The following CALCRL variants were observed in gnomAD, a reference collection of about 807,000 sequenced individuals.
CALCRL encodes the protein calcitonin gene-related peptide type 1 receptor.
Under a neutral mutation model 60.4 loss-of-function variants are expected in CALCRL, and 27 were observed. The ratio of observed to expected loss-of-function variants is 0.45; its 90% CI spans 0.33 to 0.62. The LOEUF is 0.62. CALCRL is among the 20% of genes least tolerant of loss of function. CALCRL has a pLI of 0.03. For synonymous variants in CALCRL, 190 were observed against 182.6 expected, an observed-to-expected ratio of 1.04 and a Z score of -0.33; for missense variants, 424 against 540.7, an observed-to-expected ratio of 0.78 and a Z score of 2.14.
intron 12 of CALCRL, among the ~76,000 whole-genome samples, chr2:187,358,561 C>T (rs1453791597): frequency 6.6e-6 from 1 of 151,192 alleles, no homozygotes; most frequent in Non-Finnish European, 1.5e-5. Flanking sequence ...CTCTCTGTGC[C>T]ACAGGAGGAT....
chr2:187,407,881 G>A (rs947894732), intron 1 of CALCRL, among the ~76,000 whole-genome samples: 8 of 152,094 alleles, frequency 5.3e-5, no homozygotes, highest in Admixed American at 2.0e-4. Context: ...AGCAGCAACA[G>A]GTGTGATTCT....
At chr2:187,379,352 T>C (rs1366550292) in intron 7 of CALCRL, among the ~76,000 whole-genome samples, 1 of 152,102 alleles carries the variant, frequency 6.6e-6, no homozygotes, top group African/African-American at 2.4e-5. Context: ...TATATGAAAC[T>C]AGTATTTTAT....
intron 1 of CALCRL, among the ~76,000 whole-genome samples, chr2:187,438,423 A>G (rs1690742898): frequency 6.6e-6 from 1 of 152,210 alleles, no homozygotes; most frequent in African/African-American, 2.4e-5. Context: ...ACAGACTGAC[A>G]AACATGTCTG....
chr2:187,445,767 A>C (rs938809428), intron 1 of CALCRL, among the ~76,000 whole-genome samples: 2 of 151,562 alleles, frequency 1.3e-5, no homozygotes, highest in Admixed American at 6.6e-5. Flanking sequence ...TAATATGTGC[A>C]GGTGAACATA....
In CALCRL at chr2:187,371,028, T is replaced by G. The variant is rs554755913; in HGVS notation, c.501-7526A>C. 1.6e-4 allele frequency among the ~76,000 whole-genome samples: 25 copies of G among 152,094 alleles called. No individual in the cohort carries two copies. The South Asian group carries it at 2.5e-3, about 15-fold the overall frequency. ...GAGGCCAAGGCGGGCAGATCACGAA[T>G]TCAGGAGATCAAGATCATCCTGGCT... is the stretch of plus-strand genomic sequence containing the variant. On this transcript the variant is annotated intron_variant, in intron 8 of 14. Coordinates refer to ENST00000392370, the MANE Select transcript of CALCRL (RefSeq NM_005795.6).
rs555760268 is a variant in CALCRL, at chr2:187,423,531, G to C, written c.-293+24508C>G. Among the ~76,000 whole-genome samples, 30 of 151,828 alleles carry C rather than the reference G, an allele frequency of 2.0e-4. 1 individual carries two copies. In the South Asian group the frequency reaches 6.2e-3, roughly 32 times the overall value. ...TTATTGAGGAATATTTTAATTATCT[G>C]GTTATAAATTCTAAGGTTTCCCAAG... On this transcript the variant is annotated intron_variant, in intron 1 of 14. Coordinates refer to ENST00000392370, the MANE Select transcript of CALCRL (RefSeq NM_005795.6).
rs1002792488 is a variant in CALCRL, at chr2:187,388,452, A to G, written c.-292-696T>C. 5.9e-5 allele frequency among the ~76,000 whole-genome samples: 9 copies of G among 152,182 alleles called. No homozygotes were observed. In the South Asian group the frequency reaches 6.2e-4, roughly 11 times the overall value. On this transcript the variant is annotated intron_variant, in intron 1 of 14. Coordinates refer to ENST00000392370, the MANE Select transcript of CALCRL (RefSeq NM_005795.6). ...AAAGCAATTTACAGTTCATTATTAGACAATACTCTTACATGCACATTTCAC... is the reference window on the plus strand; with the variant it reads ...AAAGCAATTTACAGTTCATTATTAGGCAATACTCTTACATGCACATTTCAC...
intron 5 of CALCRL, among the ~76,000 whole-genome samples, chr2:187,381,400 C>T (rs963023899): frequency 5.9e-5 from 9 of 151,870 alleles, no homozygotes; most frequent in East Asian, 3.9e-4. Context: ...TTTTTTAAGG[C>T]GTAGGTAAAT....
intron 9 of CALCRL, among the ~76,000 whole-genome samples, chr2:187,361,122 C>G (rs1388400993): frequency 6.6e-6 from 1 of 151,760 alleles, no homozygotes; most frequent in Non-Finnish European, 1.5e-5. Flanking sequence ...CTGTTACATT[C>G]TGTTGGAAAT....
chr2:187,352,780 A>G (rs931037127), intron 12 of CALCRL, among the ~76,000 whole-genome samples: 2 of 151,912 alleles, frequency 1.3e-5, no homozygotes, highest in African/African-American at 4.8e-5. Flanking sequence ...TTATACCATA[A>G]TAACCATTTT....
At chr2:187,368,630 G>A (rs966755394) in intron 8 of CALCRL, among the ~76,000 whole-genome samples, 2 of 151,942 alleles carry the variant, frequency 1.3e-5, no homozygotes, top group African/African-American at 2.4e-5. Context: ...ATTTGCTTTT[G>A]ACATGAGCTA....
intron 1 of CALCRL, among the ~76,000 whole-genome samples, chr2:187,398,158 C>G (rs1688737370): frequency 6.6e-6 from 1 of 151,582 alleles, no homozygotes; most frequent in Non-Finnish European, 1.5e-5. Context: ...TGATGGAACA[C>G]TCTCCCTCCA....
chr2:187,386,133 A>AGTTAGATAGATAGAT (rs1553509530), intron 3 of CALCRL, among the ~76,000 whole-genome samples: 1 of 151,496 alleles, frequency 6.6e-6, no homozygotes, highest in African/African-American at 2.4e-5. Flanking sequence ...AACTTCTTAT[A>AGTTAGATAGATAGAT]GATAGATAGA....
At chr2:187,427,095 T>C (rs1690175856) in intron 1 of CALCRL, among the ~76,000 whole-genome samples, 1 of 152,092 alleles carries the variant, frequency 6.6e-6, no homozygotes, top group Non-Finnish European at 1.5e-5. Flanking sequence ...ATACAACACT[T>C]GTGTTTTTTG....
chr2:187,383,106 A>G, intron 5 of CALCRL, 67 bp downstream of exon 5: 1 of 1,481,282 alleles, frequency 6.8e-7, no homozygotes, highest in East Asian at 2.3e-5. Flanking sequence ...ACTTATAATG[A>G]TATAATGGGA....
chr2:187,383,302 G>C lies in CALCRL; in HGVS notation c.55C>G (p.Leu19Val). Residue 19 changes from leucine (L) to valine (V), a missense_variant, in exon 5 of 15, where the codon CTT (leucine) becomes GTT (valine). By Grantham distance (32) the Leu-to-Val change is conservative. Around this residue, in one of 7 missense-constraint regions of CALCRL, gnomAD observed 108 missense variants for 132.9 expected, o/e 0.81. Transcript: ENST00000392370. The stretch of plus-strand genomic sequence containing the variant: ...CTCTCTTCTAATTCTGCTGTAACAA[G>C]AATCTAAGGGATTAAAAAAACAACA... The part of the protein sequence containing the change: ...FLVLLPFFMI[L>V]VTAELEESPE... 2 of 1,583,648 alleles carry C rather than the reference G, an allele frequency of 1.3e-6. No homozygotes were observed. The highest frequency in any genetic ancestry group is 2.3e-5 in the East Asian group (1 of 44,058).
intron 1 of CALCRL, among the ~76,000 whole-genome samples, chr2:187,444,318 A>G (rs1691065576): frequency 6.6e-6 from 1 of 151,654 alleles, no homozygotes. Flanking sequence ...TTAATAAAAT[A>G]TAAAACTATA....
At chr2:187,369,570 CTACTT>C (rs1170205254) in intron 8 of CALCRL, among the ~76,000 whole-genome samples, 4 of 152,162 alleles carry the variant, frequency 2.6e-5, no homozygotes, top group Non-Finnish European at 5.9e-5. Flanking sequence ...AGGCTTCTGA[CTACTT>C]TATAATCCAT....
chr2:187,380,514 A>G lies in CALCRL; in HGVS notation c.361T>C (p.Trp121Arg). 1 of 1,613,220 alleles carries G rather than the reference A, an allele frequency of 6.2e-7. No individual in the cohort carries two copies. Among genetic ancestry groups the G allele is most frequent in the Non-Finnish European group, 8.5e-7 (1 of 1,179,260 alleles). ...ACATTACACTGGGTATAATTTGTCC[A>G]TGTTCTGTTGCTTGCTGGATGTCTA... ...WFRHPASNRTWTNYTQCNVNT... is the reference protein window; with the variant it reads ...WFRHPASNRTRTNYTQCNVNT... The change falls in exon 7 of 15, where the codon TGG (tryptophan) becomes CGG (arginine). Residue 121 changes from tryptophan (W) to arginine (R), a missense_variant. Trp to Arg is a moderately radical substitution (Grantham distance 101). Transcript: ENST00000392370.
Sources: gnomAD v4.1 joint callset for allele counts (sites outside exome capture counted in the v4.1 genomes callset) on GRCh38, gnomAD v4.1.1 for gene constraint, gnomAD v4.1.1 regional missense constraint, MANE v1.5 for transcripts, NCBI Gene and HGNC (gene_info 2026-07-23, HGNC 2026-07-21) for gene names.